The following TUBGCP6 variants were observed in gnomAD, a reference collection of about 807,000 sequenced individuals.
TUBGCP6 encodes tubulin gamma complex component 6, also known as gamma-tubulin complex component 6.
In TUBGCP6, 161 loss-of-function variants were observed where a neutral mutation model predicts 175.8. The observed-to-expected ratio is 0.92, with a 90% CI of 0.81 to 1.04. The LOEUF (loss-of-function observed/expected upper bound fraction) is 1.04. Among genes scored for constraint, TUBGCP6 ranks in the 50% least tolerant of loss-of-function variants. The pLI is 0.00. For missense variants in TUBGCP6, 2,572 were observed against 2,433.0 expected (o/e 1.06, Z -1.20); for synonymous variants, 1,173 against 1,030.5 (o/e 1.14, Z -2.65).
chr22:50,241,808 C>T (rs1284698419), intron 1 of TUBGCP6, among the ~76,000 whole-genome samples: 1 of 152,068 alleles, frequency 6.6e-6, no homozygotes, highest in African/African-American at 2.4e-5. Context: ...ACAGCGCAGC[C>T]TGGCATTTGG....
intron 1 of TUBGCP6, among the ~76,000 whole-genome samples, chr22:50,242,168 T>A (rs370363691): frequency 5.9e-5 from 9 of 152,036 alleles, no homozygotes; most frequent in African/African-American, 2.2e-4. Flanking sequence ...GGCAGGCACC[T>A]GTAGTCCCAG....
intron 2 of TUBGCP6, among the ~76,000 whole-genome samples, chr22:50,237,245 A>T (rs1458037068): frequency 2.6e-5 from 4 of 152,188 alleles, no homozygotes; most frequent in Non-Finnish European, 5.9e-5. Flanking sequence ...GGGTCTTGGG[A>T]CCTGTGGGAA....
chr22:50,234,009 C>A (rs2064727566), intron 2 of TUBGCP6, among the ~76,000 whole-genome samples: 1 of 151,548 alleles, frequency 6.6e-6, no homozygotes, highest in Admixed American at 6.6e-5. Context: ...ATCATCCACA[C>A]CCCTGTCCAC....
intron 20 of TUBGCP6, 56 bp downstream of exon 20, chr22:50,219,012 C>T: frequency 6.2e-7 from 1 of 1,604,338 alleles, no homozygotes. Flanking sequence ...CAGCCAGTCT[C>T]TCTTTTCCCA....
rs866473439 is a variant in TUBGCP6 at position 50,227,141 on chromosome 22, C to T, written c.1413-64G>A. On this transcript the variant is annotated intron_variant, in intron 5 of 24. Transcript: ENST00000248846. ...CAGGGTTCCCAGGCCTGGATCAGAT[C>T]GTGAGCAAAGTCTCCACGTATCTTT... 410 of 1,463,878 alleles carry T rather than the reference C, an allele frequency of 2.8e-4. 5 individuals carry two copies. In the South Asian group the frequency reaches 3.0e-3, roughly 11 times the overall value. The allele number at this position is 1,463,878 out of a possible 1,614,324, so 90.7% of individuals were successfully genotyped here. A position where few individuals can be genotyped will look rare whatever the true frequency, so the allele number is the denominator to read the frequency against.
chr22:50,240,427 G>A (rs1601607444), intron 1 of TUBGCP6, 60 bp from the exon 2 acceptor site: 3 of 1,594,020 alleles, frequency 1.9e-6, no homozygotes, highest in East Asian at 2.2e-5. Flanking sequence ...TCATCCAAGG[G>A]CGATGAGAAT....
At chr22:50,240,606 T>TA (rs1259726706) in intron 1 of TUBGCP6, among the ~76,000 whole-genome samples, 2 of 152,192 alleles carry the variant, frequency 1.3e-5, no homozygotes, top group African/African-American at 2.4e-5. Context: ...CAGTGGAACT[T>TA]AGAGTGAAAC....
rs777653490 is a variant in TUBGCP6 at position 50,229,578 on chromosome 22, C to T, written c.1117-1G>A. The T allele has an allele frequency of 4.4e-6, 7 of 1,585,838 alleles. No homozygotes were observed. In the South Asian group the frequency reaches 5.7e-5, roughly 13 times the overall value. ...GCTTCACCACAAAGGCCTGGGCCGG[C>T]TGCACAGGGGCAGAGGACACTGGTC... On this transcript the variant is annotated splice_acceptor_variant, in intron 3 of 24. Coordinates refer to ENST00000248846, the MANE Select transcript of TUBGCP6 (RefSeq NM_020461.4). LOFTEE classifies it high-confidence loss of function.
intron 16 of TUBGCP6, 41 bp downstream of exon 16, chr22:50,220,210 C>A (rs2064493332): frequency 6.5e-7 from 1 of 1,545,626 alleles, no homozygotes; most frequent in Non-Finnish European, 8.8e-7. Flanking sequence ...CTCTGTGCGT[C>A]CCACAGTCCC....
Position 50,219,062 on chromosome 22 carries a change from G to A in TUBGCP6, c.4626+6C>T, listed in dbSNP as rs778608879. ...CCACTGGCCCCACCCCGTGTCCGGA[G>A]GCCACCTTCTCAAAGAGCAGGTCGC... On this transcript the variant is annotated splice_donor_region_variant and intron_variant, in intron 20 of 24. Coordinates refer to ENST00000248846, the MANE Select transcript of TUBGCP6 (RefSeq NM_020461.4). 2.5e-6 allele frequency: 4 copies of A among 1,611,624 alleles called. No individual in the cohort carries two copies. Among genetic ancestry groups the A allele is most frequent in the South Asian group, 2.2e-5 (2 of 90,980 alleles).
rs775925434 is a variant in TUBGCP6 at position 50,220,821 on chromosome 22, G to A, written c.3538C>T (p.Pro1180Ser). ...SLGESVSDMA[P>S]ARPRWNTHGH... ...TGGGTGTTCCACCGTGGCCGGGCGG[G>A]AGCCATGTCTGACACAGACTCCCCC... The change falls in exon 16 of 25, where the codon CCC (proline) becomes TCC (serine). Residue 1180 changes from proline to serine, a missense_variant. Pro to Ser is a moderately conservative substitution (Grantham distance 74). Coordinates refer to ENST00000248846, the MANE Select transcript of TUBGCP6 (RefSeq NM_020461.4). 118 of 1,598,738 alleles carry A rather than the reference G, an allele frequency of 7.4e-5. No homozygotes were observed. The highest frequency in any genetic ancestry group is 4.1e-4 in the South Asian group (37 of 89,724).
chr22:50,223,845 T>C (rs536911118), intron 13 of TUBGCP6: 98 of 145,254 alleles, frequency 6.7e-4, no homozygotes, highest in African/African-American at 4.0e-3. Context: ...TAAAAATAAA[T>C]AAGGAAGGAT....
chr22:50,232,485 G>A (rs1442644383), intron 3 of TUBGCP6, among the ~76,000 whole-genome samples: 4 of 152,248 alleles, frequency 2.6e-5, no homozygotes, highest in African/African-American at 9.6e-5. Context: ...ATTCAGCCCA[G>A]GAGGTCGAGG....
At position 50,241,418 on chromosome 22, in the gene TUBGCP6, C is replaced by T. The variant is rs901002342; in HGVS notation, c.742-1051G>A. Among the ~76,000 whole-genome samples the T allele has an allele frequency of 3.3e-5, 5 of 151,702 alleles. No individual in the cohort carries two copies. In the South Asian group the frequency reaches 6.2e-4, roughly 19 times the overall value. ...AGACCAGGAAAGGGAGTCTCCCTTT[C>T]CCTGGGGGAGTTAGAGAAGACTCTG... On this transcript the variant is annotated intron_variant, in intron 1 of 24. Transcript: ENST00000248846.
At position 50,226,327 on chromosome 22, in the gene TUBGCP6, C is replaced by T. The variant is rs1370899468; in HGVS notation, c.1653G>A (p.Glu551=). ...YSGVFRDAYG[E]FMIQVNHEYL... ...ACTCGTGGTTCACCTGAATCATGAA[C>T]TCGCCATAAGCGTCTCTGAACACCC... is the stretch of plus-strand genomic sequence containing the variant. The change falls in exon 8 of 25, where the codon GAG becomes GAA. Residue 551 remains glutamate (E), a synonymous_variant. Coordinates refer to ENST00000248846, the MANE Select transcript of TUBGCP6 (RefSeq NM_020461.4). 6.2e-7 allele frequency: 1 copy of T among 1,613,752 alleles called. No individual in the cohort carries two copies. The highest frequency in any genetic ancestry group is 8.5e-7 in the Non-Finnish European group (1 of 1,179,896).
At position 50,224,544 on chromosome 22, in the gene TUBGCP6, C is replaced by G; in HGVS notation, c.2032G>C (p.Glu678Gln). ...AKQELIAHAR[E>Q]AASRVLSALS... ...GCACTCAGGACCCTGGATGCTGCTT[C>G]CCGGGCATGAGCGATTAATTCTTGT... Residue 678 changes from glutamate (E) to glutamine (Q), a missense_variant, in exon 11 of 25, where the codon GAA (glutamate) becomes CAA (glutamine). Glu to Gln is a conservative substitution (Grantham distance 29). Transcript: ENST00000248846. 1 of 1,614,188 alleles carries G rather than the reference C, an allele frequency of 6.2e-7. No homozygotes were observed. The highest frequency in any genetic ancestry group is 8.5e-7 in the Non-Finnish European group (1 of 1,180,040).
rs759714895 is a variant in TUBGCP6, at chr22:50,226,988, G to A, written c.1491+11C>T. The A allele has an allele frequency of 9.9e-6, 16 of 1,610,012 alleles. No individual in the cohort carries two copies. The highest frequency in any genetic ancestry group is 2.7e-5 in the African/African-American group (2 of 74,850). On this transcript the variant is annotated intron_variant, in intron 6 of 24. Coordinates refer to ENST00000248846, the MANE Select transcript of TUBGCP6 (RefSeq NM_020461.4). ...CCAGGCTGACACACTCGGCAGGGAC[G>A]CACAACTCACGGTGGGAAACGCGGC...
Position 50,218,412 on chromosome 22 carries a change from G to A in TUBGCP6, c.4955-10C>T. The A allele has an allele frequency of 1.9e-6, 3 of 1,612,892 alleles. No individual in the cohort carries two copies. Among genetic ancestry groups the A allele is most frequent in the Non-Finnish European group, 1.7e-6 (2 of 1,179,860 alleles). On this transcript the variant is annotated splice_polypyrimidine_tract_variant and intron_variant, in intron 22 of 24. Transcript: ENST00000248846. ...ATGTGGCTCAGCAGGGCTGGCGGAGGGCAGAAGGCAGAGGGCAGAGGTGAG... is the reference window on the plus strand; with the variant it reads ...ATGTGGCTCAGCAGGGCTGGCGGAGAGCAGAAGGCAGAGGGCAGAGGTGAG...
chr22:50,220,738 G>A lies in TUBGCP6; in HGVS notation c.3621C>T (p.Pro1207=). 3 of 1,607,762 alleles carry A rather than the reference G, an allele frequency of 1.9e-6. No homozygotes were observed. The South Asian group carries it at 3.3e-5, about 18-fold the overall frequency. The change falls in exon 16 of 25, where the codon CCC becomes CCT. Residue 1207 remains proline, a synonymous_variant. Coordinates refer to ENST00000248846, the MANE Select transcript of TUBGCP6 (RefSeq NM_020461.4). ...CGTGGGTGTTCCACCGTGGCCGGGTGGGAGCCATGTCTGACACAGACTCCC... is the reference window on the plus strand; with the variant it reads ...CGTGGGTGTTCCACCGTGGCCGGGTAGGAGCCATGTCTGACACAGACTCCC... ...SLGESVSDMA[P]TRPRWNTHGH...
Sources: gnomAD v4.1 joint callset for allele counts (sites outside exome capture counted in the v4.1 genomes callset) on GRCh38, gnomAD v4.1.1 for gene constraint, MANE v1.5 for transcripts, NCBI Gene and HGNC (gene_info 2026-07-23, HGNC 2026-07-21) for gene names.